The following FBXO31 variants were observed in gnomAD, a reference collection of about 807,000 sequenced individuals.
FBXO31 encodes F-box protein 31.
In FBXO31, 24 loss-of-function variants were observed where a neutral mutation model predicts 54.4. The ratio of observed to expected loss-of-function variants is 0.44; its 90% CI spans 0.32 to 0.62. FBXO31 has a LOEUF of 0.62. Among genes scored for constraint, FBXO31 ranks in the 20% least tolerant of loss-of-function variants. FBXO31 has a pLI of 0.05. For missense variants in FBXO31, 665 were observed against 787.1 expected (o/e 0.84, Z 1.86); for synonymous variants, 388 against 335.6 (o/e 1.16, Z -1.71).
chr16:87,380,344 A>C (rs1259048373), intron 1 of FBXO31, among the ~76,000 whole-genome samples: 1 of 152,100 alleles, frequency 6.6e-6, no homozygotes, highest in Non-Finnish European at 1.5e-5. Flanking sequence ...AAATATGACA[A>C]ATGATTTAAG....
rs1904972999 is a variant in FBXO31 at position 87,334,295 on chromosome 16, C to T, written c.997-9G>A. 1 of 1,558,402 alleles carries T rather than the reference C, an allele frequency of 6.4e-7. No homozygotes were observed. ...GGGATGTTGGGGTCGCCCTGTGGAGCAGGTGGCAGTCAGCAGGGCTCAGGC... is the reference window on the plus strand; with the variant it reads ...GGGATGTTGGGGTCGCCCTGTGGAGTAGGTGGCAGTCAGCAGGGCTCAGGC... On this transcript the variant is annotated splice_polypyrimidine_tract_variant and intron_variant, in intron 7 of 8. Coordinates refer to ENST00000311635, the MANE Select transcript of FBXO31 (RefSeq NM_024735.5).
chr16:87,330,926 A>G lies in FBXO31; in HGVS notation c.*362T>C, dbSNP rs1904830141. The G allele has an allele frequency of 3.8e-6, 1 of 262,124 alleles. No individual in the cohort carries two copies. The highest frequency in any genetic ancestry group is 7.6e-6 in the Non-Finnish European group (1 of 132,400). 16.2% of individuals were successfully genotyped at this position (262,124 alleles called of 1,614,324 possible). A position where few individuals can be genotyped will look rare whatever the true frequency, so the allele number is the denominator to read the frequency against. On this transcript the variant is annotated 3_prime_UTR_variant, in exon 9 of 9. Coordinates refer to ENST00000311635, the MANE Select transcript of FBXO31 (RefSeq NM_024735.5). ...TCTATCACTCTATCCGCTCACAGGAAGAGCACCAGTCAGGAGGGTCCTGCT... is the reference window on the plus strand; with the variant it reads ...TCTATCACTCTATCCGCTCACAGGAGGAGCACCAGTCAGGAGGGTCCTGCT...
intron 2 of FBXO31, among the ~76,000 whole-genome samples, chr16:87,353,981 C>T (rs8059509): frequency 0.077 from 11,759 of 152,310 alleles, 544 homozygotes; most frequent in Middle Eastern, 0.12. Context: ...CTGCGGCCCC[C>T]GCTGTGCTCC....
chr16:87,359,721 G>A (rs775450292), intron 2 of FBXO31, among the ~76,000 whole-genome samples: 3 of 152,180 alleles, frequency 2.0e-5, no homozygotes, highest in South Asian at 2.1e-4. Context: ...AAAGTCCCTG[G>A]CACTGAAGAA....
intron 7 of FBXO31, among the ~76,000 whole-genome samples, chr16:87,334,735 G>A (rs982258572): frequency 6.6e-6 from 1 of 152,222 alleles, no homozygotes; most frequent in South Asian, 2.1e-4. Flanking sequence ...AATAGGCTTC[G>A]CCCCTTCAGG....
In FBXO31 at chr16:87,336,809, T is replaced by C. The variant is rs114172230; in HGVS notation, c.733-545A>G. Among the ~76,000 whole-genome samples, 522 of 152,282 alleles carry C rather than the reference T, an allele frequency of 3.4e-3. 4 individuals are homozygous for C. Among genetic ancestry groups the C allele is most frequent in the African/African-American group, 0.012 (511 of 41,544 alleles). On this transcript the variant is annotated intron_variant, in intron 5 of 8. Coordinates refer to ENST00000311635, the MANE Select transcript of FBXO31 (RefSeq NM_024735.5). The surrounding 1 kb of genome is among the most constrained non-coding windows in gnomAD (Gnocchi z 6.5). ...AGGAAAAGCAGGTATGTTAAGGCGG[T>C]TCCCAAAAACTCCGCAGCCCCACCA...
intron 8 of FBXO31, among the ~76,000 whole-genome samples, chr16:87,332,820 G>A (rs1904910870): frequency 6.6e-6 from 1 of 152,086 alleles, no homozygotes; most frequent in African/African-American, 2.4e-5. Context: ...AGCAGCATAC[G>A]CACATAGTGG....
chr16:87,374,813 A>G (rs565765784), intron 1 of FBXO31, among the ~76,000 whole-genome samples: 2 of 152,330 alleles, frequency 1.3e-5, no homozygotes, highest in South Asian at 2.1e-4. Flanking sequence ...TATTATTTGA[A>G]TATTTTTATT....
Position 87,346,794 on chromosome 16 carries a change from C to T in FBXO31, c.489+380G>A, listed in dbSNP as rs775990974. Among the ~76,000 whole-genome samples, 1 of 152,150 alleles carries T rather than the reference C, an allele frequency of 6.6e-6. No individual in the cohort carries two copies. The highest frequency in any genetic ancestry group is 2.1e-4 in the South Asian group (1 of 4,826). On this transcript the variant is annotated intron_variant, in intron 3 of 8. Transcript: ENST00000311635. The surrounding 1 kb of genome is among the most constrained non-coding windows in gnomAD (Gnocchi z 4.2). Reference sequence around the variant, plus strand: ...CCACAGCAGAACCCAAGGAAACAGACGTCAGAGTGCACCATGGCTGGAACA... The same window carrying T: ...CCACAGCAGAACCCAAGGAAACAGATGTCAGAGTGCACCATGGCTGGAACA...
chr16:87,378,673 G>A (rs998391910), intron 1 of FBXO31, among the ~76,000 whole-genome samples: 6 of 152,084 alleles, frequency 3.9e-5, no homozygotes, highest in Non-Finnish European at 1.5e-5. Flanking sequence ...AAATATATAC[G>A]CATCCTGGCT....
intron 8 of FBXO31, among the ~76,000 whole-genome samples, chr16:87,331,759 G>A (rs564756624): frequency 2.0e-5 from 3 of 152,354 alleles, no homozygotes; most frequent in South Asian, 2.1e-4. Flanking sequence ...GCCAGAGCTC[G>A]GGGCTGCTCG....
Position 87,383,666 on chromosome 16 carries a change from C to T in FBXO31, c.79G>A (p.Glu27Lys). 7.6e-7 allele frequency: 1 copy of T among 1,313,378 alleles called. No homozygotes were observed. The highest frequency in any genetic ancestry group is 9.6e-7 in the Non-Finnish European group (1 of 1,036,834). 81.4% of individuals were successfully genotyped at this position (1,313,378 alleles called of 1,614,324 possible). A position where few individuals can be genotyped will look rare whatever the true frequency, so the allele number is the denominator to read the frequency against. Reference protein sequence around the residue: ...RRRQQRRGPAETAAADSEPDT... With the variant: ...RRRQQRRGPAKTAAADSEPDT... ...GGCTCGCTGTCGGCCGCCGCCGTCT[C>T]GGCCGGGCCCCGGCGCTGCTGGCGG... The change falls in exon 1 of 9, where the codon GAG becomes AAG. Residue 27 changes from glutamate to lysine, a missense_variant. By Grantham distance (56) the Glu-to-Lys change is moderately conservative. Coordinates refer to ENST00000311635, the MANE Select transcript of FBXO31 (RefSeq NM_024735.5). The surrounding 1 kb of genome is among the most constrained non-coding windows in gnomAD (Gnocchi z 4.9).
In FBXO31 at chr16:87,347,695, A is replaced by C. The variant is rs536460663; in HGVS notation, c.413-445T>G. Among the ~76,000 whole-genome samples, 7 of 151,972 alleles carry C rather than the reference A, an allele frequency of 4.6e-5. No homozygotes were observed. In the South Asian group the frequency reaches 1.5e-3, roughly 32 times the overall value. ...ACTCAGTCTCCAAAAAAAAAAAAAAAAAAAAACTATCAGAATGAAACTATC... is the reference window on the plus strand; with the variant it reads ...ACTCAGTCTCCAAAAAAAAAAAAAACAAAAAACTATCAGAATGAAACTATC... On this transcript the variant is annotated intron_variant, in intron 2 of 8. Coordinates refer to ENST00000311635, the MANE Select transcript of FBXO31 (RefSeq NM_024735.5).
chr16:87,385,457 CA>C (rs531673191), upstream of FBXO31, among the ~76,000 whole-genome samples: 178 of 121,808 alleles, frequency 1.5e-3, no homozygotes, highest in Admixed American at 2.4e-3. Flanking sequence ...GACTCTGTCT[CA>C]AAAAAAAAAA....
intron 1 of FBXO31, among the ~76,000 whole-genome samples, chr16:87,369,144 G>A (rs777566030): frequency 4.0e-5 from 6 of 151,646 alleles, no homozygotes; most frequent in Non-Finnish European, 8.8e-5. Flanking sequence ...GTCATCTTCT[G>A]ATTGGAATAT....
At chr16:87,347,948 C>CT (rs1029750501) in intron 2 of FBXO31, among the ~76,000 whole-genome samples, 1 of 152,242 alleles carries the variant, frequency 6.6e-6, no homozygotes, top group Non-Finnish European at 1.5e-5. Flanking sequence ...GTCACACTCG[C>CT]TGAAGGCCCA....
Position 87,330,860 on chromosome 16 carries a change from A to C in FBXO31, c.*428T>G. 5.6e-6 allele frequency: 1 copy of C among 178,704 alleles called. No homozygotes were observed. The highest frequency in any genetic ancestry group is 1.2e-5 in the Non-Finnish European group (1 of 84,306). The allele number at this position is 178,704 out of a possible 1,614,324, so 11.1% of individuals were successfully genotyped here. A position where few individuals can be genotyped will look rare whatever the true frequency, so the allele number is the denominator to read the frequency against. ...GCCACTGTTGCCTGGCTTCCCCCAAAAGGAGTGGGGTGGAGCACATGCGTC... is the reference window on the plus strand; with the variant it reads ...GCCACTGTTGCCTGGCTTCCCCCAACAGGAGTGGGGTGGAGCACATGCGTC... On this transcript the variant is annotated 3_prime_UTR_variant, in exon 9 of 9. Coordinates refer to ENST00000311635, the MANE Select transcript of FBXO31 (RefSeq NM_024735.5).
rs1404652685 is a variant in FBXO31, at chr16:87,335,175, C to T, written c.996+129G>A. 24 of 1,328,202 alleles carry T rather than the reference C, an allele frequency of 1.8e-5. No individual in the cohort carries two copies. The highest frequency in any genetic ancestry group is 3.6e-5 in the Admixed American group (2 of 56,230). The allele number at this position is 1,328,202 out of a possible 1,614,324, so 82.3% of individuals were successfully genotyped here. ...AATCTGCTTTCCCAAGCTCCCGGGG[C>T]TGCAGGTGCAAGCCCACTCTGAGGA... On this transcript the variant is annotated intron_variant, in intron 7 of 8. Coordinates refer to ENST00000311635, the MANE Select transcript of FBXO31 (RefSeq NM_024735.5). This position sits in a 1 kb window ranked among gnomAD's most constrained non-coding sequence, Gnocchi z 5.7.
In FBXO31 at chr16:87,328,543, C is replaced by T. The variant is rs1027541984; in HGVS notation, c.*2745G>A. The T allele has an allele frequency of 6.6e-6, 1 of 152,298 alleles. No individual in the cohort carries two copies. Among genetic ancestry groups the T allele is most frequent in the African/African-American group, 2.4e-5 (1 of 41,480 alleles). The allele number at this position is 152,298 out of a possible 1,614,324, so 9.4% of individuals were successfully genotyped here. Reference sequence around the variant, plus strand: ...CCAGGTGGGCTGAGGGACCCCAATACCACCTGCCTTGAATCTCAGCCTGCA... The same window carrying T: ...CCAGGTGGGCTGAGGGACCCCAATATCACCTGCCTTGAATCTCAGCCTGCA... On this transcript the variant is annotated 3_prime_UTR_variant, in exon 9 of 9. Transcript: ENST00000311635.
Sources: gnomAD v4.1 joint callset for allele counts (sites outside exome capture counted in the v4.1 genomes callset) on GRCh38, gnomAD v4.1.1 for gene constraint, Gnocchi (gnomAD v3.1) non-coding constraint, MANE v1.5 for transcripts, NCBI Gene and HGNC (gene_info 2026-07-23, HGNC 2026-07-21) for gene names.